MACROD2: variants seen among roughly 807,000 people sequenced by gnomAD.
MACROD2 encodes the protein mono-ADP ribosylhydrolase 2, also known as ADP-ribose glycohydrolase MACROD2.
MACROD2 carries 36 observed loss-of-function variants against 70.4 expected under a neutral mutation model. That is an observed-to-expected ratio of 0.51 (90% CI 0.39 to 0.68). MACROD2 has a LOEUF of 0.68. MACROD2 is among the 30% of genes least tolerant of loss of function. The pLI, the probability that MACROD2 is intolerant of heterozygous loss-of-function variation, is 0.00. For missense variants in MACROD2, 496 were observed against 538.4 expected (o/e 0.92, Z 0.78); for synonymous variants, 172 against 178.8 (o/e 0.96, Z 0.30).
chr20:14,872,955 A>G (rs1261586484), intron 5 of MACROD2, among the ~76,000 whole-genome samples: 1 of 152,108 alleles, frequency 6.6e-6, no homozygotes, highest in Non-Finnish European at 1.5e-5. Context: ...TGAAGCTATC[A>G]GATCTCCTGA....
At chr20:14,701,837 T>A (rs1165539589) in intron 5 of MACROD2, among the ~76,000 whole-genome samples, 1 of 152,152 alleles carries the variant, frequency 6.6e-6, no homozygotes, top group Non-Finnish European at 1.5e-5. Flanking sequence ...TTCAGATACT[T>A]CTGCAATATT....
intron 5 of MACROD2, among the ~76,000 whole-genome samples, chr20:15,119,504 T>C (rs532149171): frequency 6.6e-6 from 1 of 152,252 alleles, no homozygotes; most frequent in East Asian, 1.9e-4. Flanking sequence ...CGGGACAAGA[T>C]TGCAGTGATG....
intron 8 of MACROD2, among the ~76,000 whole-genome samples, chr20:15,679,253 AG>A (rs1337906341): frequency 4.0e-5 from 6 of 149,730 alleles, no homozygotes; most frequent in Non-Finnish European, 8.9e-5. Context: ...AAAAAAAAAA[AG>A]AGATGCACAG....
intron 2 of MACROD2, among the ~76,000 whole-genome samples, chr20:14,036,405 T>G (rs1465367803): frequency 6.6e-6 from 1 of 152,182 alleles, no homozygotes; most frequent in African/African-American, 2.4e-5. Flanking sequence ...TAGGTATTAA[T>G]TAGGACCCAG....
chr20:15,200,064 A>C, intron 5 of MACROD2, among the ~76,000 whole-genome samples: 1 of 87,506 alleles, frequency 1.1e-5, no homozygotes, highest in South Asian at 3.1e-4. Context: ...AGAGGAGAAA[A>C]ATTATCTTCT....
In MACROD2 at chr20:15,649,070, CCCCTCCCCTT is replaced by C. The variant is rs1373929853; in HGVS notation, c.645+149243_645+149252del. 4.9e-3 allele frequency among the ~76,000 whole-genome samples: 465 copies of C among 95,446 alleles called. 11 individuals carry two copies. Among genetic ancestry groups the C allele is most frequent in the African/African-American group, 0.017 (440 of 25,400 alleles). The allele number at this position is 95,446 out of a possible 152,430, so 62.6% of individuals were successfully genotyped here. A position where few individuals can be genotyped will look rare whatever the true frequency, so the allele number is the denominator to read the frequency against. On this transcript the variant is annotated intron_variant, in intron 8 of 17. Transcript: ENST00000684519. ...TTTCTTTGCTTTTTTCTTTTCTCCTCCCCTCCCCTTCCCTCCCCTTCCCTCCCCTCCCCTC... is the reference window on the plus strand; with the variant it reads ...TTTCTTTGCTTTTTTCTTTTCTCCTCCCCTCCCCTTCCCTCCCCTCCCCTC...
intron 3 of MACROD2, among the ~76,000 whole-genome samples, chr20:14,422,333 A>G (rs761751268): frequency 3.9e-5 from 6 of 152,172 alleles, no homozygotes; most frequent in Non-Finnish European, 7.4e-5. Context: ...TTTGGATGAC[A>G]TATAGTTGGA....
intron 3 of MACROD2, among the ~76,000 whole-genome samples, chr20:14,314,772 A>G (rs1438957375): frequency 6.6e-6 from 1 of 150,680 alleles, no homozygotes; most frequent in African/African-American, 2.4e-5. Context: ...AAATAAATAA[A>G]TAAATAAATA....
intron 5 of MACROD2, among the ~76,000 whole-genome samples, chr20:15,183,727 T>A (rs1038939761): frequency 6.6e-6 from 1 of 152,162 alleles, no homozygotes; most frequent in Non-Finnish European, 1.5e-5. Flanking sequence ...GTAGGCAGCA[T>A]CCAGAATGAT....
chr20:16,046,334 C>CT (rs11478531), intron 17 of MACROD2, among the ~76,000 whole-genome samples: 37 of 150,068 alleles, frequency 2.5e-4, no homozygotes, highest in African/African-American at 6.9e-4. Context: ...AACATTTCTC[C>CT]TTTTTTTTTT....
At chr20:14,798,108 A>T (rs2072532145) in intron 5 of MACROD2, among the ~76,000 whole-genome samples, 1 of 152,056 alleles carries the variant, frequency 6.6e-6, no homozygotes, top group South Asian at 2.1e-4. Flanking sequence ...ATGGACAAGT[A>T]ATTATTTTCA....
rs563215795 is a variant in MACROD2 at position 15,458,192 on chromosome 20, T to C, written c.571+26757T>C. On this transcript the variant is annotated intron_variant, in intron 7 of 17. Transcript: ENST00000684519. ...GCATTTCCAAAGATGTTTTGGATAA[T>C]AAAGCATGCATGTGTTTTCATATAC... Among the ~76,000 whole-genome samples the C allele has an allele frequency of 2.4e-4, 36 of 152,286 alleles. 1 individual carries two copies. Among genetic ancestry groups the C allele is most frequent in the African/African-American group, 8.4e-4 (35 of 41,570 alleles).
intron 5 of MACROD2, among the ~76,000 whole-genome samples, chr20:14,819,245 G>A (rs964414404): frequency 2.0e-5 from 3 of 151,718 alleles, no homozygotes; most frequent in Non-Finnish European, 4.4e-5. Flanking sequence ...CAGCCTGGGT[G>A]ACAGAGCAAG....
At chr20:14,812,784 C>T (rs1014141770) in intron 5 of MACROD2, among the ~76,000 whole-genome samples, 1 of 152,060 alleles carries the variant, frequency 6.6e-6, no homozygotes, top group African/African-American at 2.4e-5. Context: ...CTCTAGCAGA[C>T]ACCAAGTGGG....
intron 3 of MACROD2, among the ~76,000 whole-genome samples, chr20:14,330,037 A>G (rs1169097357): frequency 6.6e-6 from 1 of 151,884 alleles, no homozygotes; most frequent in Non-Finnish European, 1.5e-5. Context: ...TAGCATACTG[A>G]GTTTGAAAAA....
At chr20:14,130,928 T>G (rs1170450902) in intron 3 of MACROD2, among the ~76,000 whole-genome samples, 10 of 121,028 alleles carry the variant, frequency 8.3e-5, no homozygotes, top group African/African-American at 4.0e-4. Context: ...TGTGTTTTTT[T>G]TGTTTTTTTT....
At chr20:16,011,644 C>T (rs905904542) in intron 15 of MACROD2, among the ~76,000 whole-genome samples, 1 of 152,158 alleles carries the variant, frequency 6.6e-6, no homozygotes, top group African/African-American at 2.4e-5. Flanking sequence ...GTAAAGGAGA[C>T]AGGGAAGGCA....
chr20:14,842,487 T>G (rs540510341), intron 5 of MACROD2, among the ~76,000 whole-genome samples: 1 of 152,224 alleles, frequency 6.6e-6, no homozygotes, highest in Non-Finnish European at 1.5e-5. Context: ...TTATTTATAG[T>G]GATACTCTTT....
At chr20:14,494,954 C>T (rs2123108993) in intron 4 of MACROD2, among the ~76,000 whole-genome samples, 1 of 152,062 alleles carries the variant, frequency 6.6e-6, no homozygotes, top group East Asian at 1.9e-4. Flanking sequence ...TTTAAGAAAC[C>T]TCACGAATAT....
Sources: gnomAD v4.1 joint callset for allele counts (sites outside exome capture counted in the v4.1 genomes callset) on GRCh38, gnomAD v4.1.1 for gene constraint, MANE v1.5 for transcripts, NCBI Gene and HGNC (gene_info 2026-07-23, HGNC 2026-07-21) for gene names.